The following TBC1D4 variants were observed in gnomAD, a reference collection of about 807,000 sequenced individuals.
The protein encoded by TBC1D4 is TBC (Tre-2, BUB2, CDC16) domain-containing protein.
A neutral mutation model predicts 142.5 loss-of-function variants in TBC1D4; 121 were observed. The observed-to-expected ratio is 0.85, with a 90% CI of 0.73 to 0.99. The LOEUF (loss-of-function observed/expected upper bound fraction) is 0.99. Ranked by LOEUF, TBC1D4 falls within the 50% of genes least tolerant of loss-of-function variation. The pLI is 0.00. For synonymous variants in TBC1D4, 630 were observed against 628.2 expected, an observed-to-expected ratio of 1.00 and a Z score of -0.04; for missense variants, 1,475 against 1,606.6, an observed-to-expected ratio of 0.92 and a Z score of 1.40.
chr13:75,295,290 T>A (rs1875793237), intron 17 of TBC1D4, among the ~76,000 whole-genome samples: 1 of 152,196 alleles, frequency 6.6e-6, no homozygotes, highest in Admixed American at 6.5e-5. Context: ...AATTTTTTCT[T>A]CTGTAGGGAG....
intron 7 of TBC1D4, among the ~76,000 whole-genome samples, chr13:75,339,534 G>A (rs368265625): frequency 2.0e-5 from 3 of 150,984 alleles, no homozygotes; most frequent in Non-Finnish European, 1.5e-5. Context: ...TAATTCCAGT[G>A]CCTGCATGGA....
At chr13:75,359,729 A>T (rs1882343678) in intron 3 of TBC1D4, 40 bp downstream of exon 3, 1 of 1,457,608 alleles carries the variant, frequency 6.9e-7, no homozygotes. Context: ...CTGAAACAAG[A>T]TTGGTCTCTT....
At chr13:75,348,590 G>T (rs1460423352) in intron 5 of TBC1D4, among the ~76,000 whole-genome samples, 1 of 152,056 alleles carries the variant, frequency 6.6e-6, no homozygotes, top group Non-Finnish European at 1.5e-5. Flanking sequence ...TGAGTCACAG[G>T]ATCATCTCTT....
chr13:75,336,352 G>A (rs954871477), intron 8 of TBC1D4, among the ~76,000 whole-genome samples: 10 of 150,470 alleles, frequency 6.6e-5, no homozygotes, highest in Middle Eastern at 3.4e-3. Context: ...AGCTGAGATC[G>A]CACCACTGCA....
At chr13:75,311,326 A>G (rs968517578) in intron 13 of TBC1D4, among the ~76,000 whole-genome samples, 8 of 152,210 alleles carry the variant, frequency 5.3e-5, no homozygotes, top group Admixed American at 4.6e-4. Flanking sequence ...CAACGAGTTT[A>G]AATAAACATC....
chr13:75,435,327 CAA>C (rs34114903), intron 1 of TBC1D4, among the ~76,000 whole-genome samples: 4 of 122,144 alleles, frequency 3.3e-5, no homozygotes, highest in Non-Finnish European at 1.8e-5. Flanking sequence ...GATTCTGTCT[CAA>C]AAAAAAAAAA....
At chr13:75,399,675 G>T (rs1884982374) in intron 1 of TBC1D4, among the ~76,000 whole-genome samples, 1 of 152,166 alleles carries the variant, frequency 6.6e-6, no homozygotes, top group Non-Finnish European at 1.5e-5. Context: ...ATAATTTGTG[G>T]CCAGAGGGCA....
intron 14 of TBC1D4, among the ~76,000 whole-genome samples, chr13:75,309,314 C>T (rs1472715081): frequency 2.0e-5 from 3 of 151,944 alleles, no homozygotes; most frequent in African/African-American, 7.2e-5. Context: ...AGCAATAAGG[C>T]ACCACAAACA....
chr13:75,361,917 AAGTT>A (rs1348556038), intron 2 of TBC1D4, 105 bp downstream of exon 2: 8 of 1,318,882 alleles, frequency 6.1e-6, no homozygotes, highest in East Asian at 4.7e-5. Flanking sequence ...AAACAAATAA[AAGTT>A]AGATTATTCG....
At chr13:75,345,463 C>T (rs1350359962) in intron 5 of TBC1D4, among the ~76,000 whole-genome samples, 2 of 152,184 alleles carry the variant, frequency 1.3e-5, no homozygotes, top group African/African-American at 4.8e-5. Context: ...ACAAGTCCTT[C>T]TTTTTACTCC....
intron 19 of TBC1D4, among the ~76,000 whole-genome samples, chr13:75,291,705 G>T (rs1436129344): frequency 6.6e-6 from 1 of 152,180 alleles, no homozygotes; most frequent in Non-Finnish European, 1.5e-5. Flanking sequence ...AAAGCCAGAA[G>T]TAGATGCAAA....
At chr13:75,390,343 C>T (rs949958769) in intron 1 of TBC1D4, among the ~76,000 whole-genome samples, 3 of 150,962 alleles carry the variant, frequency 2.0e-5, no homozygotes, top group Admixed American at 1.3e-4. Flanking sequence ...AATTGACAGT[C>T]AGGTCTCAAT....
chr13:75,450,761 T>C (rs1887500540), intron 1 of TBC1D4, among the ~76,000 whole-genome samples: 1 of 152,180 alleles, frequency 6.6e-6, no homozygotes, highest in Non-Finnish European at 1.5e-5. Context: ...CAGGCTGATA[T>C]CACCTGGTGG....
chr13:75,347,095 A>T (rs1028684220), intron 5 of TBC1D4, among the ~76,000 whole-genome samples: 3 of 152,200 alleles, frequency 2.0e-5, no homozygotes, highest in African/African-American at 7.2e-5. Context: ...TAGGTTAATG[A>T]GTTTATATTA....
chr13:75,397,915 A>G (rs1004175966), intron 1 of TBC1D4, among the ~76,000 whole-genome samples: 6 of 152,344 alleles, frequency 3.9e-5, no homozygotes, highest in African/African-American at 1.4e-4. Context: ...TGAGCTCTTC[A>G]AGCCGAGGTA....
At chr13:75,347,013 A>G (rs1416145885) in intron 5 of TBC1D4, among the ~76,000 whole-genome samples, 1 of 152,172 alleles carries the variant, frequency 6.6e-6, no homozygotes, top group Non-Finnish European at 1.5e-5. Context: ...TTTAAATGTC[A>G]CCTTCTGTAC....
chr13:75,402,178 A>G (rs1258449009), intron 1 of TBC1D4, among the ~76,000 whole-genome samples: 3 of 152,214 alleles, frequency 2.0e-5, no homozygotes, highest in African/African-American at 7.2e-5. Flanking sequence ...GGGGGGGTTA[A>G]ATCATTTTAC....
At chr13:75,295,907 T>A (rs1875868057) in intron 17 of TBC1D4, among the ~76,000 whole-genome samples, 1 of 152,164 alleles carries the variant, frequency 6.6e-6, no homozygotes, top group Non-Finnish European at 1.5e-5. Context: ...CTAGCAGAAC[T>A]TCTTTCACTA....
chr13:75,425,918 C>A (rs1192631817), intron 1 of TBC1D4, among the ~76,000 whole-genome samples: 1 of 151,968 alleles, frequency 6.6e-6, no homozygotes, highest in South Asian at 2.1e-4. Context: ...TTAATAATAA[C>A]AATATATTAT....
Sources: allele counts gnomAD v4.1 joint callset (sites outside exome capture counted in the v4.1 genomes callset), GRCh38; gene constraint gnomAD v4.1.1; transcripts MANE v1.5; gene names NCBI Gene and HGNC (gene_info 2026-07-23, HGNC 2026-07-21).